CECR2: variants seen among roughly 807,000 people sequenced by gnomAD.
The protein encoded by CECR2 is CECR2 histone acetyl-lysine reader.
In CECR2, 30 loss-of-function variants were observed where a neutral mutation model predicts 154.5. The observed-to-expected ratio is 0.19, with a 90% confidence interval of 0.15 to 0.26. CECR2 has a LOEUF of 0.26. CECR2 is among the 10% of genes least tolerant of loss of function. CECR2 has a pLI of 1.00. For synonymous variants in CECR2, 725 were observed against 683.7 expected (o/e 1.06, Z -0.94); for missense variants, 1,743 against 1,829.3 (o/e 0.95, Z 0.86).
chr22:17,515,469 C>T (rs1601495611), intron 8 of CECR2, among the ~76,000 whole-genome samples: 2 of 152,192 alleles, frequency 1.3e-5, no homozygotes, highest in African/African-American at 2.4e-5. Context: ...TTACTATTTA[C>T]GTTTTTACGT....
intron 1 of CECR2, among the ~76,000 whole-genome samples, chr22:17,376,306 C>CT (rs1196915951): frequency 2.6e-5 from 4 of 152,066 alleles, no homozygotes; most frequent in African/African-American, 9.7e-5. Flanking sequence ...GGGGCAGCGC[C>CT]TTCTCATCTC....
In CECR2 at chr22:17,540,582, C is replaced by T. The variant is rs755804225; in HGVS notation, c.1666C>T (p.Arg556Cys). The T allele has an allele frequency of 4.3e-6, 7 of 1,613,110 alleles. No homozygotes were observed. Among genetic ancestry groups the T allele is most frequent in the Non-Finnish European group, 3.4e-6 (4 of 1,179,436 alleles). The part of the protein sequence containing the change: ...GRSGGSHVWT[R>C]SRDPEGSSRK... ...AAGTGGTGGGAGCCATGTTTGGACC[C>T]GCTCCAGGGACCCAGAAGGGTCCAG... Residue 556 changes from arginine to cysteine, a missense_variant, in exon 14 of 19, where the codon CGC becomes TGC. Arg to Cys is a radical substitution (Grantham distance 180, BLOSUM62 -3). Coordinates refer to ENST00000262608, the MANE Select transcript of CECR2 (RefSeq NM_001290047.2).
chr22:17,425,796 A>G (rs1254171546), intron 1 of CECR2, among the ~76,000 whole-genome samples: 1 of 152,176 alleles, frequency 6.6e-6, no homozygotes, highest in Non-Finnish European at 1.5e-5. Flanking sequence ...ATGAGAGATG[A>G]TGATGACTCT....
At chr22:17,360,187 A>G (rs2062968811) in intron 1 of CECR2, among the ~76,000 whole-genome samples, 1 of 152,268 alleles carries the variant, frequency 6.6e-6, no homozygotes, top group African/African-American at 2.4e-5. Flanking sequence ...AGGCTTAAAC[A>G]TAATCTTAAA....
intron 1 of CECR2, among the ~76,000 whole-genome samples, chr22:17,445,543 T>TTTATTTTTA (rs2054645879): frequency 7.1e-6 from 1 of 141,438 alleles, no homozygotes; most frequent in Non-Finnish European, 1.5e-5. Context: ...TGCTCTATAC[T>TTTATTTTTA]TTATTATTAT....
At position 17,409,659 on chromosome 22, in the gene CECR2, A is replaced by G. The variant is rs1028894689; in HGVS notation, c.126+39750A>G. Among the ~76,000 whole-genome samples the G allele has an allele frequency of 1.8e-5, 2 of 112,086 alleles. 1 individual carries two copies. Among genetic ancestry groups the G allele is most frequent in the Non-Finnish European group, 4.3e-5 (2 of 46,936 alleles). 73.5% of individuals were successfully genotyped at this position (112,086 alleles called of 152,430 possible). ...CTCGCCTCTCTTCCCAACCCAGTCA[A>G]TCTCTGTCATATAACTCTTTTCTGT... On this transcript the variant is annotated intron_variant, in intron 1 of 18. Transcript: ENST00000262608.
Position 17,497,456 on chromosome 22 carries a change from T to C in CECR2, c.275T>C (p.Leu92Pro). 1 of 1,613,922 alleles carries C rather than the reference T, an allele frequency of 6.2e-7. No homozygotes were observed. The highest frequency in any genetic ancestry group is 8.5e-7 in the Non-Finnish European group (1 of 1,179,886). The change falls in exon 3 of 19, where the codon CTC becomes CCC. Residue 92 changes from leucine to proline, a missense_variant. Around this residue, in one of 4 missense-constraint regions of CECR2, gnomAD observed 98 missense variants for 169.3 expected, o/e 0.58. Coordinates refer to ENST00000262608, the MANE Select transcript of CECR2 (RefSeq NM_001290047.2). ...LEDIINYRWE[L>P]EEGKPNPLRE... Reference sequence around the variant, plus strand: ...GACATCATCAACTACCGCTGGGAGCTCGAAGAAGGGAAGCCCAACCCTCTG... The same window carrying C: ...GACATCATCAACTACCGCTGGGAGCCCGAAGAAGGGAAGCCCAACCCTCTG...
intron 1 of CECR2, among the ~76,000 whole-genome samples, chr22:17,476,070 T>C (rs1236685971): frequency 1.3e-5 from 2 of 151,038 alleles, no homozygotes; most frequent in African/African-American, 4.9e-5. Flanking sequence ...CTCACATTAC[T>C]CCCCTTCACA....
intron 1 of CECR2, among the ~76,000 whole-genome samples, chr22:17,464,859 T>A (rs1209762366): frequency 6.6e-6 from 1 of 152,182 alleles, no homozygotes; most frequent in Non-Finnish European, 1.5e-5. Flanking sequence ...CGTCAGCCTC[T>A]CTATTAAGTT....
chr22:17,361,679 G>T (rs941431743), intron 1 of CECR2, among the ~76,000 whole-genome samples: 2 of 151,700 alleles, frequency 1.3e-5, no homozygotes, highest in African/African-American at 4.8e-5. Context: ...CTGGGGGGAG[G>T]TTGCAGTGAG....
intron 1 of CECR2, among the ~76,000 whole-genome samples, chr22:17,385,168 C>A (rs572712887): frequency 2.0e-5 from 3 of 152,188 alleles, no homozygotes; most frequent in African/African-American, 7.2e-5. Flanking sequence ...TTCTCCTTAT[C>A]AGTAATAAGG....
intron 9 of CECR2, among the ~76,000 whole-genome samples, chr22:17,525,050 A>G (rs963233415): frequency 4.7e-5 from 7 of 149,110 alleles, no homozygotes; most frequent in Non-Finnish European, 7.4e-5. Context: ...TTGGGAGGCC[A>G]AGGGGGGCGG....
chr22:17,489,225 GC>G (rs1569115698), intron 2 of CECR2, among the ~76,000 whole-genome samples: 1 of 152,174 alleles, frequency 6.6e-6, no homozygotes, highest in Non-Finnish European at 1.5e-5. Context: ...GAGCCACCTC[GC>G]CCGGCCTAGT....
chr22:17,382,730 C>T (rs546898415), intron 1 of CECR2, among the ~76,000 whole-genome samples: 8 of 151,758 alleles, frequency 5.3e-5, no homozygotes, highest in Admixed American at 2.0e-4. Context: ...CATGGTGAAA[C>T]GCTTTCTCTA....
At chr22:17,518,291 C>G (rs2056095367) in intron 8 of CECR2, among the ~76,000 whole-genome samples, 1 of 152,164 alleles carries the variant, frequency 6.6e-6, no homozygotes, top group Admixed American at 6.6e-5. Context: ...CTTGATGTCC[C>G]CGTGCTTGAC....
rs143357108 is a variant in CECR2 at position 17,413,600 on chromosome 22, C to T, written c.126+43691C>T. ...TGACATTTTGGGCCTGCTCGCCAAA[C>T]TATTCTGTAAGCTAGATGTGTGGTC... is the stretch of plus-strand genomic sequence containing the variant. On this transcript the variant is annotated intron_variant, in intron 1 of 18. Coordinates refer to ENST00000262608, the MANE Select transcript of CECR2 (RefSeq NM_001290047.2). Among the ~76,000 whole-genome samples, 497 of 152,172 alleles carry T rather than the reference C, an allele frequency of 3.3e-3. 2 individuals carry two copies. The highest frequency in any genetic ancestry group is 0.011 in the African/African-American group (468 of 41,494).
chr22:17,383,220 G>A (rs923631367), intron 1 of CECR2, among the ~76,000 whole-genome samples: 13 of 152,138 alleles, frequency 8.5e-5, no homozygotes, highest in Admixed American at 5.2e-4. Flanking sequence ...GCAAGACTCC[G>A]TCTCCAAAAA....
intron 1 of CECR2, among the ~76,000 whole-genome samples, chr22:17,377,975 C>CGTTTTGTTTT (rs978946812): frequency 6.6e-6 from 1 of 151,954 alleles, no homozygotes; most frequent in Non-Finnish European, 1.5e-5. Flanking sequence ...ATGTTATATG[C>CGTTTTGTTTT]GTTTTGTTTT....
At chr22:17,547,206 A>C (rs2056628114) in intron 16 of CECR2, among the ~76,000 whole-genome samples, 1 of 151,742 alleles carries the variant, frequency 6.6e-6, no homozygotes, top group East Asian at 1.9e-4. Context: ...GATTGGGCTT[A>C]GTAAATTTCC....
Sources: gnomAD v4.1 joint callset for allele counts (sites outside exome capture counted in the v4.1 genomes callset) on GRCh38, gnomAD v4.1.1 for gene constraint, gnomAD v4.1.1 regional missense constraint, MANE v1.5 for transcripts, NCBI Gene and HGNC (gene_info 2026-07-23, HGNC 2026-07-21) for gene names.